The following TRHDE variants were observed in gnomAD, a reference collection of about 807,000 sequenced individuals.
TRHDE encodes the protein thyrotropin-releasing hormone-degrading ectoenzyme.
Under a neutral mutation model 125.7 loss-of-function variants are expected in TRHDE, and 72 were observed. That is an observed-to-expected ratio of 0.57 (90% CI 0.47 to 0.70). The LOEUF (loss-of-function observed/expected upper bound fraction) is 0.70, where lower values mean the gene tolerates loss of function less well. Among genes scored for constraint, TRHDE ranks in the 30% least tolerant of loss-of-function variants. TRHDE has a pLI of 0.00. For synonymous variants in TRHDE, 509 were observed against 509.1 expected (o/e 1.00, Z 0.00); for missense variants, 1,110 against 1,327.1 (o/e 0.84, Z 2.54).
chr12:72,198,459 G>A (rs1430115191), intron 2 of TRHDE, among the ~76,000 whole-genome samples: 2 of 151,780 alleles, frequency 1.3e-5, no homozygotes, highest in Non-Finnish European at 2.9e-5. Flanking sequence ...ACAATTTTTG[G>A]CCCACAGCAA....
chr12:72,372,654 C>T (rs1213439704), intron 2 of TRHDE, among the ~76,000 whole-genome samples: 4 of 152,176 alleles, frequency 2.6e-5, no homozygotes, highest in African/African-American at 9.7e-5. Context: ...GGAATCCTTT[C>T]CCCATTGCTT....
rs1871466504 is a variant in TRHDE at position 72,586,950 on chromosome 12, G to C, written c.2321+11408G>C. ...GCTAACTTAAACACACTCTAAATTA[G>C]AGGGCAGTTATTGGGAATGCTGTCA... is the stretch of plus-strand genomic sequence containing the variant. On this transcript the variant is annotated intron_variant, in intron 12 of 18. Transcript: ENST00000261180. Among the ~76,000 whole-genome samples, 4 of 152,094 alleles carry C rather than the reference G, an allele frequency of 2.6e-5. No individual in the cohort carries two copies. In the South Asian group the frequency reaches 8.3e-4, roughly 32 times the overall value.
intron 1 of TRHDE, among the ~76,000 whole-genome samples, chr12:72,283,060 T>C (rs940979108): frequency 1.3e-5 from 2 of 152,216 alleles, no homozygotes; most frequent in African/African-American, 4.8e-5. Flanking sequence ...TCTTACATTT[T>C]CCCCTTTTTG....
chr12:72,333,426 G>A (rs1159903025), intron 2 of TRHDE, among the ~76,000 whole-genome samples: 1 of 152,200 alleles, frequency 6.6e-6, no homozygotes, highest in African/African-American at 2.4e-5. Context: ...TAATCCGGGC[G>A]AAGAGAATTG....
At chr12:72,388,215 A>C (rs1211638252) in intron 3 of TRHDE, among the ~76,000 whole-genome samples, 2 of 152,220 alleles carry the variant, frequency 1.3e-5, no homozygotes, top group African/African-American at 2.4e-5. Context: ...ACTCTGCTTC[A>C]GTGAGGTCTT....
intron 15 of TRHDE, among the ~76,000 whole-genome samples, chr12:72,636,953 G>A (rs1873782467): frequency 1.3e-5 from 2 of 152,114 alleles, no homozygotes; most frequent in African/African-American, 2.4e-5. Flanking sequence ...AAGGATATTG[G>A]TCTAAAATTC....
intron 6 of TRHDE, among the ~76,000 whole-genome samples, chr12:72,537,174 G>T (rs1007124318): frequency 3.3e-5 from 5 of 151,964 alleles, no homozygotes; most frequent in Non-Finnish European, 7.4e-5. Flanking sequence ...TTTTCCTTTT[G>T]ATATTATGGC....
chr12:72,622,189 GA>G (rs1055772459), intron 15 of TRHDE, among the ~76,000 whole-genome samples: 1 of 151,816 alleles, frequency 6.6e-6, no homozygotes, highest in East Asian at 1.9e-4. Context: ...AAAAGGTTAT[GA>G]AAAAAAGATC....
intron 6 of TRHDE, among the ~76,000 whole-genome samples, chr12:72,531,098 A>G (rs1868528484): frequency 6.6e-6 from 1 of 152,108 alleles, no homozygotes. Context: ...GTTTGAGAAC[A>G]TCCTGTTTTC....
intron 2 of TRHDE, among the ~76,000 whole-genome samples, chr12:72,372,124 G>A (rs1350095340): frequency 6.6e-6 from 1 of 152,076 alleles, no homozygotes; most frequent in African/African-American, 2.4e-5. Context: ...GTTTTGATTT[G>A]CATTTCTCTG....
intron 2 of TRHDE, among the ~76,000 whole-genome samples, chr12:72,297,281 G>C (rs577388053): frequency 1.3e-3 from 195 of 152,246 alleles, no homozygotes; most frequent in Non-Finnish European, 2.4e-3. Flanking sequence ...GATAGCAGGG[G>C]TGAAGACTAC....
intron 6 of TRHDE, among the ~76,000 whole-genome samples, chr12:72,506,048 C>G (rs1337438062): frequency 6.6e-6 from 1 of 152,198 alleles, no homozygotes; most frequent in Non-Finnish European, 1.5e-5. Context: ...CCTGTAATCC[C>G]AGCACTTTGA....
chr12:72,583,037 C>A lies in TRHDE; in HGVS notation c.2321+7495C>A, dbSNP rs1871302003. On this transcript the variant is annotated intron_variant, in intron 12 of 18. Coordinates refer to ENST00000261180, the MANE Select transcript of TRHDE (RefSeq NM_013381.3). Reference sequence around the variant, plus strand: ...ATTGATTTGAATGTATTGTTTATTGCTGTCATTGGACATGGAGAGAAGGAT... The same window carrying A: ...ATTGATTTGAATGTATTGTTTATTGATGTCATTGGACATGGAGAGAAGGAT... Among the ~76,000 whole-genome samples, 4 of 152,186 alleles carry A rather than the reference C, an allele frequency of 2.6e-5. 1 individual carries two copies. The South Asian group carries it at 8.3e-4, about 32-fold the overall frequency.
intron 15 of TRHDE, among the ~76,000 whole-genome samples, chr12:72,634,045 T>C (rs1263958041): frequency 6.6e-6 from 1 of 152,084 alleles, no homozygotes; most frequent in Non-Finnish European, 1.5e-5. Flanking sequence ...ATTGTGGAGA[T>C]AAAGCCCCTG....
At chr12:72,143,678 G>A (rs1876167123) in intron 2 of TRHDE, among the ~76,000 whole-genome samples, 1 of 151,988 alleles carries the variant, frequency 6.6e-6, no homozygotes. Context: ...CTAGAGTATT[G>A]TTCTGACCCC....
At position 72,377,006 on chromosome 12, in the gene TRHDE, A is replaced by T. The variant is rs572420484; in HGVS notation, c.1189-989A>T. ...CCAACACCTTCATTTTATAAATGAGAGTGTTTGAGACCCAAAGAAATTAAG... is the reference window on the plus strand; with the variant it reads ...CCAACACCTTCATTTTATAAATGAGTGTGTTTGAGACCCAAAGAAATTAAG... On this transcript the variant is annotated intron_variant, in intron 2 of 18. Transcript: ENST00000261180. 3.9e-5 allele frequency among the ~76,000 whole-genome samples: 6 copies of T among 152,234 alleles called. No homozygotes were observed. The South Asian group carries it at 1.2e-3, about 32-fold the overall frequency.
intron 7 of TRHDE, among the ~76,000 whole-genome samples, chr12:72,547,944 A>C (rs74103382): frequency 6.6e-6 from 1 of 151,886 alleles, no homozygotes; most frequent in East Asian, 1.9e-4. Context: ...TGTGGTATAC[A>C]CATCTCCAAA....
chr12:72,223,514 T>C (rs944790752), intron 2 of TRHDE, among the ~76,000 whole-genome samples: 3 of 152,144 alleles, frequency 2.0e-5, no homozygotes, highest in African/African-American at 7.2e-5. Flanking sequence ...CCCATATTTA[T>C]GTAAGATCAC....
chr12:72,403,105 C>T (rs767605300), intron 3 of TRHDE, among the ~76,000 whole-genome samples: 1 of 152,208 alleles, frequency 6.6e-6, no homozygotes, highest in African/African-American at 2.4e-5. Flanking sequence ...ACCCCCAACA[C>T]ACTCGCATAC....
Sources: allele counts gnomAD v4.1 joint callset (sites outside exome capture counted in the v4.1 genomes callset), GRCh38; gene constraint gnomAD v4.1.1; transcripts MANE v1.5; gene names NCBI Gene and HGNC (gene_info 2026-07-23, HGNC 2026-07-21).